ARHGAP18: variants seen among roughly 807,000 people sequenced by gnomAD.
The protein encoded by ARHGAP18 is rho GTPase-activating protein 18.
A neutral mutation model predicts 86.2 loss-of-function variants in ARHGAP18; 67 were observed. That is an observed-to-expected ratio of 0.78 (90% CI 0.64 to 0.95). The LOEUF (loss-of-function observed/expected upper bound fraction) is 0.95, where lower values mean the gene tolerates loss of function less well. Ranked by LOEUF, ARHGAP18 falls within the 40% of genes least tolerant of loss-of-function variation. The pLI is 0.00. For missense variants in ARHGAP18, 691 were observed against 780.4 expected (o/e 0.89, Z 1.37); for synonymous variants, 283 against 280.4 (o/e 1.01, Z -0.09).
chr6:129,694,925 G>C lies in ARHGAP18; in HGVS notation c.113+15099C>G, dbSNP rs139974750. Among the ~76,000 whole-genome samples the C allele has an allele frequency of 4.3e-3, 656 of 152,288 alleles. 6 individuals are homozygous for C. The highest frequency in any genetic ancestry group is 0.015 in the African/African-American group (635 of 41,558). On this transcript the variant is annotated intron_variant, in intron 1 of 14. Coordinates refer to ENST00000368149, the MANE Select transcript of ARHGAP18 (RefSeq NM_033515.3). ...CCAAGGTGGAGATTCTGCAAAGCTT[G>C]TCAATATCTGTAAAGCATATGGTAG...
chr6:129,585,301 AAAAAT>A lies in ARHGAP18; in HGVS notation c.1714-1194_1714-1190del, dbSNP rs540587112. 4.9e-3 allele frequency among the ~76,000 whole-genome samples: 748 copies of A among 152,164 alleles called. 7 individuals carry two copies. The highest frequency in any genetic ancestry group is 0.017 in the African/African-American group (701 of 41,518). On this transcript the variant is annotated intron_variant, in intron 12 of 14. Transcript: ENST00000368149. ...CCATCTCAAAAATAAATAAATAAAT[AAAAAT>A]AAAATAAAATAAACATTGAGCAGAG...
At chr6:129,681,527 T>C (rs1429815761) in intron 1 of ARHGAP18, among the ~76,000 whole-genome samples, 1 of 152,234 alleles carries the variant, frequency 6.6e-6, no homozygotes, top group African/African-American at 2.4e-5. Context: ...TGAATTAGTA[T>C]ACAAATTCAA....
At chr6:129,706,289 T>C (rs1280885911) in intron 1 of ARHGAP18, among the ~76,000 whole-genome samples, 1 of 152,186 alleles carries the variant, frequency 6.6e-6, no homozygotes, top group Non-Finnish European at 1.5e-5. Context: ...CTTATAAATA[T>C]AGCTACTCAT....
intron 10 of ARHGAP18, among the ~76,000 whole-genome samples, chr6:129,601,446 C>A (rs1788741314): frequency 6.8e-6 from 1 of 146,226 alleles, no homozygotes; most frequent in South Asian, 2.1e-4. Context: ...GCCTAGGCAA[C>A]AGAGAGAAAC....
chr6:129,613,565 A>G (rs1789028785), intron 7 of ARHGAP18, among the ~76,000 whole-genome samples: 1 of 152,210 alleles, frequency 6.6e-6, no homozygotes, highest in Non-Finnish European at 1.5e-5. Flanking sequence ...AGTGATTGTG[A>G]CTTCTAAATA....
intron 7 of ARHGAP18, 26 bp downstream of exon 7, chr6:129,616,186 A>G: frequency 6.4e-7 from 1 of 1,565,902 alleles, no homozygotes; most frequent in South Asian, 1.2e-5. Flanking sequence ...TGTTCTCTCT[A>G]TGCTGACCAA....
chr6:129,690,784 A>C (rs968290710), intron 1 of ARHGAP18, among the ~76,000 whole-genome samples: 1 of 152,172 alleles, frequency 6.6e-6, no homozygotes, highest in African/African-American at 2.4e-5. Flanking sequence ...TGTGAGACCA[A>C]ATAAATTTTA....
intron 1 of ARHGAP18, among the ~76,000 whole-genome samples, chr6:129,649,904 C>CTTTTTTTTGT (rs1773668547): frequency 8.6e-6 from 1 of 115,640 alleles, no homozygotes; most frequent in African/African-American, 3.9e-5. Context: ...ACTTCGTCTT[C>CTTTTTTTTGT]TTTTTTTTTG....
intron 12 of ARHGAP18, among the ~76,000 whole-genome samples, chr6:129,590,379 A>C (rs1390761842): frequency 1.3e-5 from 2 of 152,294 alleles, no homozygotes; most frequent in East Asian, 1.9e-4. Context: ...TCTTTCTGAT[A>C]GTTAAGAGTT....
intron 5 of ARHGAP18, among the ~76,000 whole-genome samples, chr6:129,625,901 T>TA (rs1562698559): frequency 4.9e-3 from 385 of 78,902 alleles, no homozygotes; most frequent in Non-Finnish European, 8.1e-3. Context: ...ATATTATATA[T>TA]TTATATATTA....
chr6:129,584,319 C>T (rs1335571007), intron 12 of ARHGAP18, among the ~76,000 whole-genome samples: 1 of 152,118 alleles, frequency 6.6e-6, no homozygotes, highest in African/African-American at 2.4e-5. Flanking sequence ...AATGCCTGTG[C>T]AGTAATGCTT....
In ARHGAP18 at chr6:129,616,272, C is replaced by T. The variant is rs781529755; in HGVS notation, c.984G>A (p.Ala328=). The T allele has an allele frequency of 1.2e-5, 20 of 1,610,300 alleles. No homozygotes were observed. Among genetic ancestry groups the T allele is most frequent in the East Asian group, 2.2e-5 (1 of 44,776 alleles). The change falls in exon 7 of 15, where the codon GCG becomes GCA. Residue 328 remains alanine, a synonymous_variant. Coordinates refer to ENST00000368149, the MANE Select transcript of ARHGAP18 (RefSeq NM_033515.3). Reference sequence around the variant, plus strand: ...CTTTCCTCTGATCTTGTTCTAATAGCGCTGTCAATGGAACGCAAAAAAGAC... The same window carrying T: ...CTTTCCTCTGATCTTGTTCTAATAGTGCTGTCAATGGAACGCAAAAAAGAC... ...DSGLFCVPLT[A]LLEQDQRKVP... is the part of the protein sequence containing the mutation.
intron 1 of ARHGAP18, among the ~76,000 whole-genome samples, chr6:129,670,536 G>T (rs1445550203): frequency 3.3e-5 from 5 of 152,076 alleles, no homozygotes; most frequent in African/African-American, 1.2e-4. Flanking sequence ...ATGGAGGGTG[G>T]TACCCTCTCA....
At chr6:129,625,750 T>A (rs1484376635) in intron 5 of ARHGAP18, among the ~76,000 whole-genome samples, 1 of 58,576 alleles carries the variant, frequency 1.7e-5, no homozygotes, top group Non-Finnish European at 3.1e-5. Context: ...TATTTATATA[T>A]TATATATTTA....
chr6:129,629,266 T>C, intron 5 of ARHGAP18, 87 bp downstream of exon 5: 1 of 1,076,996 alleles, frequency 9.3e-7, no homozygotes, highest in South Asian at 1.6e-5. Flanking sequence ...TATATATGTG[T>C]GTGTGCGTGT....
At chr6:129,636,098 C>A (rs141930072) in intron 3 of ARHGAP18, among the ~76,000 whole-genome samples, 1 of 152,334 alleles carries the variant, frequency 6.6e-6, no homozygotes, top group African/African-American at 2.4e-5. Flanking sequence ...TGTCATAATA[C>A]TAAATTTCCT....
At chr6:129,659,245 A>C (rs2114517259) in intron 1 of ARHGAP18, among the ~76,000 whole-genome samples, 1 of 152,312 alleles carries the variant, frequency 6.6e-6, no homozygotes, top group South Asian at 2.1e-4. Flanking sequence ...AGAATGAATG[A>C]GGCAGTAGGC....
At chr6:129,690,001 T>A (rs1046790656) in intron 1 of ARHGAP18, among the ~76,000 whole-genome samples, 1 of 152,174 alleles carries the variant, frequency 6.6e-6, no homozygotes, top group African/African-American at 2.4e-5. Flanking sequence ...TTACATCTAT[T>A]TAAATTATGA....
At chr6:129,681,830 T>C (rs1173598900) in intron 1 of ARHGAP18, among the ~76,000 whole-genome samples, 1 of 152,178 alleles carries the variant, frequency 6.6e-6, no homozygotes, top group Non-Finnish European at 1.5e-5. Context: ...GTGACCAAGT[T>C]CACAGGTTAG....
Sources: allele counts gnomAD v4.1 joint callset (sites outside exome capture counted in the v4.1 genomes callset), GRCh38; gene constraint gnomAD v4.1.1; transcripts MANE v1.5; gene names NCBI Gene and HGNC (gene_info 2026-07-23, HGNC 2026-07-21).